Variants in GALNTL6 observed in about 807,000 individuals in gnomAD.
The protein encoded by GALNTL6 is polypeptide N-acetylgalactosaminyltransferase-like 6.
GALNTL6 carries 46 observed loss-of-function variants against 73.7 expected under a neutral mutation model. The observed-to-expected ratio is 0.62, with a 90% CI of 0.49 to 0.80. GALNTL6 has a LOEUF of 0.80. Ranked by LOEUF, GALNTL6 falls within the 30% of genes least tolerant of loss-of-function variation. The pLI, the probability that GALNTL6 is intolerant of heterozygous loss-of-function variation, is 0.00. For missense variants in GALNTL6, 604 were observed against 755.0 expected, an observed-to-expected ratio of 0.80 and a Z score of 2.34; for synonymous variants, 259 against 263.7, an observed-to-expected ratio of 0.98 and a Z score of 0.17.
chr4:172,093,070 C>G (rs1732251710), intron 2 of GALNTL6, among the ~76,000 whole-genome samples: 1 of 151,892 alleles, frequency 6.6e-6, no homozygotes, highest in Admixed American at 6.6e-5. Flanking sequence ...GATGGGGTTT[C>G]ACCATGTTGG....
At chr4:172,742,222 A>T (rs1322622242) in intron 5 of GALNTL6, among the ~76,000 whole-genome samples, 1 of 151,966 alleles carries the variant, frequency 6.6e-6, no homozygotes. Flanking sequence ...ATACCTGGTG[A>T]ACCTGTTTGT....
chr4:172,988,371 A>C (rs1409314899), intron 10 of GALNTL6, among the ~76,000 whole-genome samples: 1 of 152,178 alleles, frequency 6.6e-6, no homozygotes, highest in Non-Finnish European at 1.5e-5. Flanking sequence ...GAAATATCTA[A>C]GCAGCAAAGC....
chr4:172,313,186 CTT>C, intron 4 of GALNTL6, among the ~76,000 whole-genome samples: 1 of 138,694 alleles, frequency 7.2e-6, no homozygotes, highest in Non-Finnish European at 1.5e-5. Context: ...AGTGCAGTGG[CTT>C]GATCTCGGCT....
rs1734439044 is a variant in GALNTL6 at position 171,813,589 on chromosome 4, A to G, written c.-571A>G. On this transcript the variant is annotated 5_prime_UTR_variant, in exon 1 of 13. The change creates a new upstream start codon in the 5' untranslated region. Coordinates refer to ENST00000506823, the MANE Select transcript of GALNTL6 (RefSeq NM_001034845.3). This position sits in a 1 kb window ranked among gnomAD's most constrained non-coding sequence, Gnocchi z 5.2. ...TTACGAGAAGAGGAGATCAAAAAATATTGCCCTTTAGGTGCTCGTGATGGT... is the reference window on the plus strand; with the variant it reads ...TTACGAGAAGAGGAGATCAAAAAATGTTGCCCTTTAGGTGCTCGTGATGGT... The G allele has an allele frequency of 6.6e-6, 1 of 152,324 alleles. No individual in the cohort carries two copies. Among genetic ancestry groups the G allele is most frequent in the Non-Finnish European group, 1.5e-5 (1 of 68,126 alleles). The allele number at this position is 152,324 out of a possible 1,614,324, so 9.4% of individuals were successfully genotyped here. A position where few individuals can be genotyped will look rare whatever the true frequency, so the allele number is the denominator to read the frequency against.
At chr4:171,886,904 GT>G (rs1308438771) in intron 2 of GALNTL6, among the ~76,000 whole-genome samples, 1 of 152,150 alleles carries the variant, frequency 6.6e-6, no homozygotes, top group Non-Finnish European at 1.5e-5. Context: ...GCTATAAGTA[GT>G]TCAACATGAT....
At chr4:172,294,639 A>C (rs577578093) in intron 3 of GALNTL6, among the ~76,000 whole-genome samples, 147 of 152,272 alleles carry the variant, frequency 9.7e-4, no homozygotes, top group East Asian at 5.2e-3. Context: ...ACAAAAAAAA[A>C]ACACTTTATC....
intron 5 of GALNTL6, among the ~76,000 whole-genome samples, chr4:172,401,825 C>T (rs563832659): frequency 1.2e-3 from 181 of 151,096 alleles, no homozygotes; most frequent in African/African-American, 4.1e-3. Context: ...ATGTATTTGT[C>T]GTGGTAAAAT....
intron 3 of GALNTL6, among the ~76,000 whole-genome samples, chr4:172,295,582 C>T (rs1317849728): frequency 1.2e-5 from 1 of 85,372 alleles, no homozygotes; most frequent in Non-Finnish European, 2.1e-5. Context: ...CTGGTTTACT[C>T]TATAACCAAA....
At chr4:172,247,056 A>G (rs1158369333) in intron 3 of GALNTL6, among the ~76,000 whole-genome samples, 2 of 152,128 alleles carry the variant, frequency 1.3e-5, no homozygotes, top group Non-Finnish European at 2.9e-5. Flanking sequence ...GACCATATCA[A>G]CAGTGATGAT....
intron 5 of GALNTL6, among the ~76,000 whole-genome samples, chr4:172,790,371 C>T (rs575999055): frequency 7.3e-4 from 111 of 152,232 alleles, no homozygotes; most frequent in Admixed American, 6.5e-4. Context: ...TACAGGTGGA[C>T]CCCTAATCCC....
intron 5 of GALNTL6, among the ~76,000 whole-genome samples, chr4:172,647,363 T>C (rs1452131089): frequency 6.6e-6 from 1 of 152,084 alleles, no homozygotes; most frequent in African/African-American, 2.4e-5. Context: ...TTATATCACG[T>C]AGAATGAAAG....
intron 7 of GALNTL6, among the ~76,000 whole-genome samples, chr4:172,862,403 AT>A (rs2111139618): frequency 6.6e-6 from 1 of 152,326 alleles, no homozygotes; most frequent in East Asian, 1.9e-4. Flanking sequence ...GAAGCAGAGC[AT>A]AAAAGTTTGG....
At chr4:171,912,874 G>T (rs1381857544) in intron 2 of GALNTL6, among the ~76,000 whole-genome samples, 1 of 152,134 alleles carries the variant, frequency 6.6e-6, no homozygotes, top group Non-Finnish European at 1.5e-5. Context: ...GCAAATAACA[G>T]AAATTTATTC....
rs58721038 is a variant in GALNTL6, at chr4:172,295,531, G to GT, written c.248-16058dup. ...GTTTTTTCTTCTTTTCTTTTTTTAGGTTTTTTTTTTTTTTTTTTTTTTTTT... is the reference window on the plus strand; with the variant it reads ...GTTTTTTCTTCTTTTCTTTTTTTAGGTTTTTTTTTTTTTTTTTTTTTTTTTT... On this transcript the variant is annotated intron_variant, in intron 3 of 12. Transcript: ENST00000506823. 3.4e-4 allele frequency among the ~76,000 whole-genome samples: 25 copies of GT among 73,142 alleles called. 1 individual carries two copies. The highest frequency in any genetic ancestry group is 1.4e-3 in the African/African-American group (24 of 16,828). The allele number at this position is 73,142 out of a possible 152,430, so 48.0% of individuals were successfully genotyped here. A position where few individuals can be genotyped will look rare whatever the true frequency, so the allele number is the denominator to read the frequency against.
chr4:172,021,676 A>T (rs1741405421), intron 2 of GALNTL6, among the ~76,000 whole-genome samples: 1 of 152,078 alleles, frequency 6.6e-6, no homozygotes, highest in Non-Finnish European at 1.5e-5. Context: ...GAATAACATT[A>T]CCTGACTTCA....
At chr4:172,726,245 A>G (rs1439989376) in intron 5 of GALNTL6, among the ~76,000 whole-genome samples, 1 of 152,218 alleles carries the variant, frequency 6.6e-6, no homozygotes, top group Admixed American at 6.5e-5. Context: ...AGTAAACACC[A>G]CTAGAAGGTA....
intron 5 of GALNTL6, among the ~76,000 whole-genome samples, chr4:172,507,300 G>A (rs1392402925): frequency 1.8e-5 from 1 of 54,780 alleles, no homozygotes; most frequent in African/African-American, 4.6e-5. Flanking sequence ...ATTGTGGTTG[G>A]CTTTGGGGAA....
At chr4:172,587,948 A>G (rs1194418408) in intron 5 of GALNTL6, among the ~76,000 whole-genome samples, 2 of 152,228 alleles carry the variant, frequency 1.3e-5, no homozygotes, top group African/African-American at 4.8e-5. Flanking sequence ...CCTGCAGATC[A>G]TAAACTACTT....
intron 5 of GALNTL6, among the ~76,000 whole-genome samples, chr4:172,476,922 C>A (rs1381551987): frequency 2.6e-5 from 3 of 113,342 alleles, no homozygotes; most frequent in Non-Finnish European, 5.4e-5. Flanking sequence ...GCTTAAGAGA[C>A]TTTTTTTTTT....
Sources: allele counts gnomAD v4.1 joint callset (sites outside exome capture counted in the v4.1 genomes callset), GRCh38; gene constraint gnomAD v4.1.1; non-coding constraint Gnocchi (gnomAD v3.1); transcripts MANE v1.5; gene names NCBI Gene and HGNC (gene_info 2026-07-23, HGNC 2026-07-21).